The following PCDHA2 variants were observed in gnomAD, a reference collection of about 807,000 sequenced individuals.
The protein encoded by PCDHA2 is protocadherin alpha-2.
A neutral mutation model predicts 66.0 loss-of-function variants in PCDHA2; 58 were observed. That is an observed-to-expected ratio of 0.88 (90% CI 0.71 to 1.09). The LOEUF is 1.09. PCDHA2 is among the 50% of genes least tolerant of loss of function. The pLI is 0.00. For synonymous variants in PCDHA2, 634 were observed against 554.0 expected (o/e 1.14, Z -2.03); for missense variants, 1,267 against 1,242.3 (o/e 1.02, Z -0.30).
chr5:140,894,971 G>A (rs1231249838), intron 1 of PCDHA2, among the ~76,000 whole-genome samples: 1 of 152,010 alleles, frequency 6.6e-6, no homozygotes, highest in African/African-American at 2.4e-5. Context: ...ATTTTTTAAT[G>A]TCTTACTTTG....
rs959323631 is a variant in PCDHA2 at position 140,967,718 on chromosome 5, C to A, written c.2389-11231C>A. The A allele has an allele frequency of 8.7e-6, 14 of 1,614,106 alleles. 1 individual carries two copies. The South Asian group carries it at 1.5e-4, about 18-fold the overall frequency. ...CATAGATGCCAGTACCGGGGAAGTG[C>A]GAGTAATTGGGGGGCTGGATTATGA... On this transcript the variant is annotated intron_variant, in intron 1 of 3. Transcript: ENST00000526136.
At chr5:140,857,435 G>A (rs912006741) in intron 1 of PCDHA2, 4 of 1,598,574 alleles carry the variant, frequency 2.5e-6, no homozygotes, top group Admixed American at 3.4e-5. Flanking sequence ...CACGGTGTTC[G>A]TGAAGGAGAA....
chr5:140,950,040 C>A (rs1053592525), intron 1 of PCDHA2, among the ~76,000 whole-genome samples: 2 of 151,718 alleles, frequency 1.3e-5, no homozygotes, highest in Non-Finnish European at 3.0e-5. Flanking sequence ...AAGTTACAAC[C>A]ATATAAGACT....
intron 1 of PCDHA2, among the ~76,000 whole-genome samples, chr5:140,898,180 G>T (rs1216288813): frequency 6.6e-6 from 1 of 152,128 alleles, no homozygotes; most frequent in Non-Finnish European, 1.5e-5. Context: ...CTGTGCAGAA[G>T]CTCTTTAGTT....
chr5:140,995,401 G>A (rs576317630), intron 3 of PCDHA2, among the ~76,000 whole-genome samples: 7 of 152,238 alleles, frequency 4.6e-5, no homozygotes, highest in African/African-American at 1.4e-4. Context: ...GGGATGGCTC[G>A]AGATTTCATC....
intron 1 of PCDHA2, chr5:140,853,001 C>A (rs1254366907): frequency 3.9e-5 from 12 of 305,202 alleles, no homozygotes; most frequent in Non-Finnish European, 6.0e-5. Context: ...GCCTCAGCCT[C>A]CCGAGTAGCT....
At chr5:140,966,989 G>C (rs879989091) in intron 1 of PCDHA2, 7 of 1,604,030 alleles carry the variant, frequency 4.4e-6, no homozygotes, top group Non-Finnish European at 5.1e-6. Context: ...CTTGGGGCCG[G>C]GTTGCTTGCG....
chr5:140,829,207 T>C, intron 1 of PCDHA2: 2 of 1,614,192 alleles, frequency 1.2e-6, no homozygotes, highest in Non-Finnish European at 1.7e-6. Flanking sequence ...TCGCCCTAAT[T>C]AGCGTGAACG....
At chr5:140,832,642 C>A (rs1554133590) in intron 1 of PCDHA2, among the ~76,000 whole-genome samples, 1 of 152,106 alleles carries the variant, frequency 6.6e-6, no homozygotes, top group African/African-American at 2.4e-5. Flanking sequence ...CTAGGAGGGT[C>A]TTTAAGAGTA....
chr5:140,808,241 T>C, intron 1 of PCDHA2: 9 of 1,614,244 alleles, frequency 5.6e-6, no homozygotes, highest in Non-Finnish European at 7.6e-6. Flanking sequence ...AGATTTGGAA[T>C]TCAAGTCTTT....
intron 1 of PCDHA2, among the ~76,000 whole-genome samples, chr5:140,917,329 G>GGC (rs1563018868): frequency 6.9e-6 from 1 of 143,930 alleles, no homozygotes; most frequent in Non-Finnish European, 1.5e-5. Context: ...TGTGGCGGGG[G>GGC]AGGGGGGGGA....
chr5:140,858,066 AG>A, intron 1 of PCDHA2: 1 of 1,597,600 alleles, frequency 6.3e-7, no homozygotes, highest in Non-Finnish European at 8.6e-7. Flanking sequence ...GAGGGCAGCC[AG>A]GCACCCAAGG....
chr5:140,876,191 C>T (rs1313911800), intron 1 of PCDHA2: 3 of 1,613,760 alleles, frequency 1.9e-6, no homozygotes, highest in Non-Finnish European at 2.5e-6. Context: ...GACAATGGTC[C>T]GGCGTTTGAT....
At chr5:140,850,499 G>C (rs2150486529) in intron 1 of PCDHA2, 2 of 1,598,056 alleles carry the variant, frequency 1.3e-6, no homozygotes, top group East Asian at 2.2e-5. Flanking sequence ...TGCTGGTGTC[G>C]CTGGTGGAGA....
chr5:140,830,104 G>A (rs2150181173), intron 1 of PCDHA2: 1 of 1,613,630 alleles, frequency 6.2e-7, no homozygotes, highest in Admixed American at 1.7e-5. Flanking sequence ...CGCTGGTGGA[G>A]AGTGGCCAGG....
rs1040454233 is a variant in PCDHA2 at position 140,868,818 on chromosome 5, T to C, written c.2388+71466T>C. On this transcript the variant is annotated intron_variant, in intron 1 of 3. Transcript: ENST00000526136. ...CATAAATAAGCACGTTGGAAATATT[T>C]GGGGGAAGAAACCCAAAACACGTGA... 30 of 385,940 alleles carry C rather than the reference T, an allele frequency of 7.8e-5. No individual in the cohort carries two copies. The East Asian group carries it at 1.3e-3, about 16-fold the overall frequency. 23.9% of individuals were successfully genotyped at this position (385,940 alleles called of 1,614,324 possible).
At position 140,802,942 on chromosome 5, in the gene PCDHA2, C is replaced by G. The variant is rs1187038094; in HGVS notation, c.2388+5590C>G. The G allele has an allele frequency of 5.6e-6, 9 of 1,613,842 alleles. 1 individual carries two copies. In the East Asian group the frequency reaches 1.6e-4, roughly 28 times the overall value. On this transcript the variant is annotated intron_variant, in intron 1 of 3. Transcript: ENST00000526136. ...GGTGGCGCAGTGAGCGAGCTGGTGC[C>G]GCGGTCAGTGGGTGCGGGCCACGTG...
chr5:140,904,047 A>C (rs1554191240), intron 1 of PCDHA2, among the ~76,000 whole-genome samples: 1 of 152,164 alleles, frequency 6.6e-6, no homozygotes, highest in Admixed American at 6.6e-5. Flanking sequence ...TAATTTTTTT[A>C]TTTCAATGGG....
chr5:140,883,557 G>T, intron 1 of PCDHA2: 1 of 1,614,214 alleles, frequency 6.2e-7, no homozygotes, highest in South Asian at 1.1e-5. Flanking sequence ...GCGCGGGACG[G>T]GGGCTCGCCT....
Sources: gnomAD v4.1 joint callset for allele counts (sites outside exome capture counted in the v4.1 genomes callset) on GRCh38, gnomAD v4.1.1 for gene constraint, MANE v1.5 for transcripts, NCBI Gene and HGNC (gene_info 2026-07-23, HGNC 2026-07-21) for gene names.